Variants in CEP76 observed in about 807,000 individuals in gnomAD.
CEP76 encodes centrosomal protein 76.
A neutral mutation model predicts 83.3 loss-of-function variants in CEP76; 55 were observed. That is an observed-to-expected ratio of 0.66 (90% confidence interval 0.53 to 0.83). The LOEUF (loss-of-function observed/expected upper bound fraction) is 0.83. Ranked by LOEUF, CEP76 falls within the 40% of genes least tolerant of loss-of-function variation. CEP76 has a pLI of 0.00. For missense variants in CEP76, 694 were observed against 799.5 expected (o/e 0.87, Z 1.59); for synonymous variants, 270 against 274.5 (o/e 0.98, Z 0.16).
At chr18:12,689,163 G>C (rs973532417) in intron 7 of CEP76, among the ~76,000 whole-genome samples, 3 of 152,104 alleles carry the variant, frequency 2.0e-5, no homozygotes, top group Non-Finnish European at 4.4e-5. Context: ...GGATACATTA[G>C]AAATTTTTTT....
At position 12,697,338 on chromosome 18, in the gene CEP76, G is replaced by C. The variant is rs201817627; in HGVS notation, c.591C>G (p.Ile197Met). Residue 197 changes from isoleucine (I) to methionine (M), a missense_variant, in exon 5 of 12, where the codon ATC becomes ATG. Physicochemically the swap from Ile to Met is conservative, Grantham distance 10. Coordinates refer to ENST00000262127, the MANE Select transcript of CEP76 (RefSeq NM_024899.4). ...SISDPIHMVL[I>M]KTDIFGETTL... The stretch of plus-strand genomic sequence containing the variant: ...TCGTCTCACCAAATATGTCTGTTTT[G>C]ATTAGCACCATATGAATTGGATCAC... 2.8e-5 allele frequency: 45 copies of C among 1,613,490 alleles called. No homozygotes were observed. Among genetic ancestry groups the C allele is most frequent in the Non-Finnish European group, 3.6e-5 (42 of 1,179,730 alleles).
In CEP76 at chr18:12,673,296, T is replaced by C. The variant is rs1039289414; in HGVS notation, c.*69A>G. The stretch of plus-strand genomic sequence containing the variant: ...GATTTTAAAATAACAAACCTCTAAA[T>C]AGCTAAGTAATGTACAATGTGTAAA... On this transcript the variant is annotated 3_prime_UTR_variant, in exon 12 of 12. Coordinates refer to ENST00000262127, the MANE Select transcript of CEP76 (RefSeq NM_024899.4). 4 of 1,521,118 alleles carry C rather than the reference T, an allele frequency of 2.6e-6. No homozygotes were observed. The highest frequency in any genetic ancestry group is 2.6e-5 in the South Asian group (2 of 77,610). The allele number at this position is 1,521,118 out of a possible 1,614,324, so 94.2% of individuals were successfully genotyped here.
At chr18:12,667,908 GA>G (rs1325099784), downstream of CEP76, among the ~76,000 whole-genome samples, 2 of 144,290 alleles carry the variant, frequency 1.4e-5, no homozygotes, top group Non-Finnish European at 1.5e-5. Flanking sequence ...AACAAAGGGG[GA>G]AAAAAACACG....
Position 12,673,429 on chromosome 18 carries a change from G to C in CEP76, c.1916C>G (p.Thr639Ser). The change falls in exon 12 of 12, where the codon ACT becomes AGT. Residue 639 changes from threonine (T) to serine (S), a missense_variant. By Grantham distance (58) the Thr-to-Ser change is moderately conservative (BLOSUM62 1). Transcript: ENST00000262127. ...AACAGCACATGCAGATTCAGGGTAA[G>C]TAAATACTCGGACACGAACTGCCAG... is the stretch of plus-strand genomic sequence containing the variant. ...VRLAVRVRVF[T>S]YPESACAVWI... 6.2e-7 allele frequency: 1 copy of C among 1,604,698 alleles called. No individual in the cohort carries two copies. Among genetic ancestry groups the C allele is most frequent in the African/African-American group, 1.3e-5 (1 of 74,192 alleles).
downstream of CEP76, among the ~76,000 whole-genome samples, chr18:12,667,626 T>G (rs1753445185): frequency 6.6e-6 from 1 of 151,702 alleles, no homozygotes; most frequent in Non-Finnish European, 1.5e-5. Context: ...CCGGGCGTGG[T>G]GGCACGTGCC....
At position 12,680,805 on chromosome 18, in the gene CEP76, G is replaced by C. The variant is rs1471799094; in HGVS notation, c.1146C>G (p.Asn382Lys). 1.9e-6 allele frequency: 3 copies of C among 1,610,526 alleles called. No homozygotes were observed. The highest frequency in any genetic ancestry group is 2.5e-6 in the Non-Finnish European group (3 of 1,178,986). The change falls in exon 9 of 12, where the codon AAC (asparagine) becomes AAG (lysine). Residue 382 changes from asparagine to lysine, a missense_variant. Physicochemically the swap from Asn to Lys is moderately conservative, Grantham distance 94 (BLOSUM62 0). Transcript: ENST00000262127. Reference sequence around the variant, plus strand: ...ATCCAAGAAGAAGGCTGCACAGAAGGTTAGCGTGATCTTCACAGTCACCCT... The same window carrying C: ...ATCCAAGAAGAAGGCTGCACAGAAGCTTAGCGTGATCTTCACAGTCACCCT... ...RNKGDCEDHA[N>K]LLCSLLLGYG...
intron 1 of CEP76, among the ~76,000 whole-genome samples, 182 bp from the exon 2 acceptor site, chr18:12,701,295 G>C (rs1168667254): frequency 1.3e-5 from 2 of 152,108 alleles, no homozygotes; most frequent in African/African-American, 4.8e-5. Flanking sequence ...GTCTCCACTG[G>C]TTATCTGGCA....
chr18:12,662,718 A>G (rs973224374), intron 12 of CEP76, among the ~76,000 whole-genome samples: 4 of 152,202 alleles, frequency 2.6e-5, no homozygotes, highest in Admixed American at 6.5e-5. Context: ...CAGAGGCTGC[A>G]GTGAGCCGAG....
Position 12,673,061 on chromosome 18 carries a change from CTG to C in CEP76, c.*302_*303del, listed in dbSNP as rs2038987853. On this transcript the variant is annotated 3_prime_UTR_variant, in exon 12 of 12. Transcript: ENST00000262127. ...TGATTACCTGTTTGTGTAAAGAAAACTGAATGCATTTTATATTAATATTTAAA... is the reference window on the plus strand; with the variant it reads ...TGATTACCTGTTTGTGTAAAGAAAACAATGCATTTTATATTAATATTTAAA... 2.9e-6 allele frequency: 3 copies of C among 1,017,472 alleles called. No homozygotes were observed. Among genetic ancestry groups the C allele is most frequent in the Non-Finnish European group, 2.4e-6 (2 of 848,032 alleles). 63.0% of individuals were successfully genotyped at this position (1,017,472 alleles called of 1,614,324 possible).
Position 12,678,787 on chromosome 18 carries a change from C to T in CEP76, c.1290-345G>A, listed in dbSNP as rs557716177. Among the ~76,000 whole-genome samples the T allele has an allele frequency of 5.5e-4, 84 of 152,114 alleles. 1 individual carries two copies. Among genetic ancestry groups the T allele is most frequent in the African/African-American group, 2.0e-3 (83 of 41,510 alleles). ...CCTGACCAACATGGTGAAACCCCGTCTCTGCTAAAAATACAAAAATTAGCT... is the reference window on the plus strand; with the variant it reads ...CCTGACCAACATGGTGAAACCCCGTTTCTGCTAAAAATACAAAAATTAGCT... On this transcript the variant is annotated intron_variant, in intron 9 of 11. Transcript: ENST00000262127.
chr18:12,680,562 A>G (rs2145014219), intron 9 of CEP76, 100 bp downstream of exon 9: 4 of 835,984 alleles, frequency 4.8e-6, no homozygotes, highest in East Asian at 3.0e-5. Context: ...GTGCCAGTGC[A>G]CTCCAGCCTG....
intron 6 of CEP76, among the ~76,000 whole-genome samples, chr18:12,694,197 G>A (rs868520379): frequency 6.6e-6 from 1 of 152,158 alleles, no homozygotes; most frequent in South Asian, 2.1e-4. Flanking sequence ...AGAGATTAGA[G>A]GGAGATGAGA....
rs752449549 is a variant in CEP76, at chr18:12,674,542, CAT to C, written c.1833_1834del (p.Cys612SerfsTer7). The C allele has an allele frequency of 2.0e-5, 32 of 1,611,738 alleles. No homozygotes were observed. Among genetic ancestry groups the C allele is most frequent in the East Asian group, 2.2e-5 (1 of 44,832 alleles). On this transcript the variant is annotated frameshift_variant, in exon 11 of 12. Transcript: ENST00000262127. LOFTEE classifies it high-confidence loss of function. ...TCCGTAAATTACACCTTACCGAAGA[CAT>C]GTGGCAAATGCACGTCTTGCATTTC... is the stretch of plus-strand genomic sequence containing the variant.
In CEP76 at chr18:12,673,202, C is replaced by A. The variant is rs913006600; in HGVS notation, c.*163G>T. On this transcript the variant is annotated 3_prime_UTR_variant, in exon 12 of 12. Coordinates refer to ENST00000262127, the MANE Select transcript of CEP76 (RefSeq NM_024899.4). ...TTCAGCCTTAATTTTTAAAGGAATGCATGATTTTTTTTAAACATTACCAGT... is the reference window on the plus strand; with the variant it reads ...TTCAGCCTTAATTTTTAAAGGAATGAATGATTTTTTTTAAACATTACCAGT... The A allele has an allele frequency of 2.9e-5, 39 of 1,322,470 alleles. No homozygotes were observed. The highest frequency in any genetic ancestry group is 3.4e-5 in the Non-Finnish European group (35 of 1,033,076). The allele number at this position is 1,322,470 out of a possible 1,614,324, so 81.9% of individuals were successfully genotyped here.
chr18:12,682,505 C>T (rs1488496253), intron 8 of CEP76, among the ~76,000 whole-genome samples: 1 of 151,768 alleles, frequency 6.6e-6, no homozygotes, highest in African/African-American at 2.4e-5. Flanking sequence ...TTTCTTTCTC[C>T]AAAAAATTGG....
Position 12,695,257 on chromosome 18 carries a change from T to A in CEP76, c.801A>T (p.Thr267=). ...AGAGAAACTCATAAGTATTTACCTG[T>A]GTGTTCACTACTTCTTGAGATAACG... is the stretch of plus-strand genomic sequence containing the variant. ...NQTLSQEVVN[T]QLALERQKTA... The change falls in exon 6 of 12, where the codon ACA becomes ACT. Residue 267 remains threonine, a synonymous_variant. Transcript: ENST00000262127. 1 of 1,418,986 alleles carries A rather than the reference T, an allele frequency of 7.0e-7. No individual in the cohort carries two copies. The highest frequency in any genetic ancestry group is 9.8e-7 in the Non-Finnish European group (1 of 1,017,086). 87.9% of individuals were successfully genotyped at this position (1,418,986 alleles called of 1,614,324 possible). A position where few individuals can be genotyped will look rare whatever the true frequency, so the allele number is the denominator to read the frequency against.
intron 6 of CEP76, 43 bp downstream of exon 6, chr18:12,695,211 T>A (rs765168788): frequency 2.3e-6 from 2 of 880,652 alleles, no homozygotes. Context: ...TATACTACTA[T>A]GAAAACAAAC....
At chr18:12,696,964 C>T (rs867938243) in intron 5 of CEP76, among the ~76,000 whole-genome samples, 8 of 151,952 alleles carry the variant, frequency 5.3e-5, no homozygotes, top group Non-Finnish European at 7.4e-5. Flanking sequence ...AAATTAAAAC[C>T]CTCAAAATTC....
At chr18:12,664,697 TC>T (rs1298527603) in intron 12 of CEP76, among the ~76,000 whole-genome samples, 3 of 148,912 alleles carry the variant, frequency 2.0e-5, no homozygotes, top group Non-Finnish European at 4.4e-5. Flanking sequence ...TTTGTCCTGA[TC>T]TTTTTTTTTT....
Sources: allele counts gnomAD v4.1 joint callset (sites outside exome capture counted in the v4.1 genomes callset), GRCh38; gene constraint gnomAD v4.1.1; transcripts MANE v1.5; gene names NCBI Gene and HGNC (gene_info 2026-07-23, HGNC 2026-07-21).